SCN8A: variants seen among roughly 807,000 people sequenced by gnomAD.
SCN8A encodes sodium voltage-gated channel alpha subunit 8.
SCN8A carries 30 observed loss-of-function variants against 184.1 expected under a neutral mutation model. The observed-to-expected ratio is 0.16, with a 90% CI of 0.12 to 0.22. SCN8A has a LOEUF of 0.22. Among genes scored for constraint, SCN8A ranks in the 10% least tolerant of loss-of-function variants. The pLI, the probability that SCN8A is intolerant of heterozygous loss-of-function variation, is 1.00. For synonymous variants in SCN8A, 852 were observed against 907.0 expected (o/e 0.94, Z 1.09); for missense variants, 1,057 against 2,498.9 (o/e 0.42, Z 12.30).
Position 51,797,440 on chromosome 12 carries a change from T to G in SCN8A, c.4795+2799T>G, listed in dbSNP as rs529011259. Among the ~76,000 whole-genome samples the G allele has an allele frequency of 9.8e-5, 15 of 152,320 alleles. No individual in the cohort carries two copies. The South Asian group carries it at 2.7e-3, about 27-fold the overall frequency. On this transcript the variant is annotated intron_variant, in intron 26 of 26. Coordinates refer to ENST00000627620, the MANE Select transcript of SCN8A (RefSeq NM_001330260.2). ...AATACTCATGACAATAGTCTTCATT[T>G]CTGCAACTGGTCACGTGGTCGTAGC...
chr12:51,771,155 A>G (rs193120824), intron 19 of SCN8A, among the ~76,000 whole-genome samples: 8 of 152,358 alleles, frequency 5.3e-5, no homozygotes, highest in Admixed American at 4.6e-4. Context: ...CTTATTAATC[A>G]GTGAAACATA....
intron 20 of SCN8A, 88 bp from the exon 21 acceptor site, chr12:51,780,561 C>CTT (rs1565923413): frequency 6.6e-6 from 3 of 457,854 alleles, no homozygotes; most frequent in Admixed American, 2.3e-4. Flanking sequence ...CCTCTGTTTT[C>CTT]TTTCTTTTTT....
At chr12:51,715,308 C>G (rs976703084) in intron 11 of SCN8A, among the ~76,000 whole-genome samples, 1 of 152,076 alleles carries the variant, frequency 6.6e-6, no homozygotes, top group Non-Finnish European at 1.5e-5. Flanking sequence ...GTCTTATCAT[C>G]CTTATCACTA....
chr12:51,625,143 A>G (rs532897948), intron 1 of SCN8A, among the ~76,000 whole-genome samples: 108 of 152,330 alleles, frequency 7.1e-4, no homozygotes, highest in African/African-American at 2.5e-3. Flanking sequence ...AACACATAGA[A>G]TAATTCCGTT....
At chr12:51,770,100 G>T (rs1942901848) in intron 18 of SCN8A, 115 bp downstream of exon 18, 1 of 696,416 alleles carries the variant, frequency 1.4e-6, no homozygotes, top group East Asian at 2.7e-5. Context: ...CAAGAACTTT[G>T]CTCCCCACCC....
At chr12:51,725,783 T>G (rs1031827046) in intron 12 of SCN8A, among the ~76,000 whole-genome samples, 1 of 152,234 alleles carries the variant, frequency 6.6e-6, no homozygotes, top group Non-Finnish European at 1.5e-5. Flanking sequence ...TCTAATTGCT[T>G]AATATCTCTT....
intron 1 of SCN8A, among the ~76,000 whole-genome samples, chr12:51,608,727 T>G (rs1366097889): frequency 1.3e-5 from 2 of 152,238 alleles, no homozygotes; most frequent in Non-Finnish European, 2.9e-5. Flanking sequence ...TTTGTTTCAA[T>G]TTCATTTAGT....
intron 26 of SCN8A, among the ~76,000 whole-genome samples, chr12:51,797,711 T>G (rs1429004818): frequency 3.3e-5 from 5 of 152,138 alleles, no homozygotes; most frequent in African/African-American, 4.8e-5. Context: ...CTTCCATACC[T>G]CCATTGTGGA....
At chr12:51,639,879 C>CTTTTTATTTTTTTTTTTTTT (rs1940407112) in intron 1 of SCN8A, among the ~76,000 whole-genome samples, 1 of 15,078 alleles carries the variant, frequency 6.6e-5, no homozygotes, top group Non-Finnish European at 1.1e-4. Flanking sequence ...AAGGTATATG[C>CTTTTTATTTTTTTTTTTTTT]TTTTTTTTTT....
intron 1 of SCN8A, among the ~76,000 whole-genome samples, chr12:51,603,369 G>C (rs866924282): frequency 3.9e-5 from 6 of 152,142 alleles, no homozygotes; most frequent in Middle Eastern, 3.2e-3. Flanking sequence ...TTATTGCTGA[G>C]TAGTATTGTA....
At chr12:51,761,653 T>G (rs1942764274) in intron 14 of SCN8A, among the ~76,000 whole-genome samples, 1 of 151,780 alleles carries the variant, frequency 6.6e-6, no homozygotes, top group Non-Finnish European at 1.5e-5. Context: ...CACGCCCAAC[T>G]AATTTTTGTA....
intron 1 of SCN8A, among the ~76,000 whole-genome samples, chr12:51,617,277 T>G (rs77043187): frequency 0.016 from 2,443 of 152,288 alleles, 66 homozygotes; most frequent in African/African-American, 0.055. Context: ...ATTGAGATTC[T>G]GTGCTTTTTT....
intron 14 of SCN8A, among the ~76,000 whole-genome samples, chr12:51,756,595 C>T (rs371396686): frequency 6.6e-6 from 1 of 152,366 alleles, no homozygotes; most frequent in East Asian, 1.9e-4. Flanking sequence ...GGGGTAGCCA[C>T]GCCTCATACC....
intron 1 of SCN8A, among the ~76,000 whole-genome samples, chr12:51,592,556 C>T (rs1451123520): frequency 1.3e-5 from 2 of 151,734 alleles, no homozygotes; most frequent in Non-Finnish European, 2.9e-5. Flanking sequence ...AAATGGATGT[C>T]ATCTGTTTGG....
chr12:51,784,007 A>G (rs1938004737), intron 21 of SCN8A, among the ~76,000 whole-genome samples: 1 of 152,242 alleles, frequency 6.6e-6, no homozygotes, highest in African/African-American at 2.4e-5. Flanking sequence ...ATTAAAGGCA[A>G]TGTAGAGTAA....
intron 12 of SCN8A, among the ~76,000 whole-genome samples, chr12:51,734,086 C>G (rs1229199800): frequency 1.3e-5 from 2 of 151,996 alleles, no homozygotes; most frequent in Non-Finnish European, 2.9e-5. Context: ...CTGCTCTGAT[C>G]TTTATTATTT....
At chr12:51,773,213 G>A (rs1443197747) in intron 19 of SCN8A, among the ~76,000 whole-genome samples, 2 of 152,012 alleles carry the variant, frequency 1.3e-5, no homozygotes, top group Non-Finnish European at 2.9e-5. Context: ...TTCTTCTGGA[G>A]CTGTTCAGAG....
chr12:51,694,466 G>A (rs920538360), intron 6 of SCN8A, among the ~76,000 whole-genome samples: 8 of 152,150 alleles, frequency 5.3e-5, no homozygotes, highest in African/African-American at 9.7e-5. Context: ...GTCACTGACC[G>A]TTCTCTACAT....
At chr12:51,760,124 TG>T (rs1942740458) in intron 14 of SCN8A, among the ~76,000 whole-genome samples, 1 of 152,206 alleles carries the variant, frequency 6.6e-6, no homozygotes, top group Non-Finnish European at 1.5e-5. Flanking sequence ...ACATGAACTT[TG>T]GGGGACACAT....
Sources: gnomAD v4.1 joint callset for allele counts (sites outside exome capture counted in the v4.1 genomes callset) on GRCh38, gnomAD v4.1.1 for gene constraint, MANE v1.5 for transcripts, NCBI Gene and HGNC (gene_info 2026-07-23, HGNC 2026-07-21) for gene names.